The following SNX31 variants were observed in gnomAD, a reference collection of about 807,000 sequenced individuals.
The protein encoded by SNX31 is sorting nexin-31.
SNX31 carries 58 observed loss-of-function variants against 65.4 expected under a neutral mutation model. The ratio of observed to expected loss-of-function variants is 0.89; its 90% CI spans 0.72 to 1.10. The LOEUF is 1.10. Among genes scored for constraint, SNX31 ranks in the 50% least tolerant of loss-of-function variants. SNX31 has a pLI of 0.00. For synonymous variants in SNX31, 181 were observed against 190.1 expected, an observed-to-expected ratio of 0.95 and a Z score of 0.39; for missense variants, 523 against 529.7, an observed-to-expected ratio of 0.99 and a Z score of 0.12.
intron 4 of SNX31, among the ~76,000 whole-genome samples, chr8:100,623,672 T>C (rs1003874912): frequency 2.0e-5 from 3 of 152,208 alleles, no homozygotes; most frequent in African/African-American, 7.2e-5. Flanking sequence ...TTCCTCCACC[T>C]GATCCCAGAC....
chr8:100,589,759 G>A (rs1480244844), intron 10 of SNX31, among the ~76,000 whole-genome samples: 3 of 152,198 alleles, frequency 2.0e-5, no homozygotes, highest in African/African-American at 7.2e-5. Flanking sequence ...AAGCCTGGTA[G>A]GCAACATCTG....
At position 100,596,862 on chromosome 8, in the gene SNX31, G is replaced by C. The variant is rs898807916; in HGVS notation, c.775-20C>G. The C allele has an allele frequency of 6.2e-7, 1 of 1,610,874 alleles. No individual in the cohort carries two copies. The highest frequency in any genetic ancestry group is 1.7e-5 in the Admixed American group (1 of 60,012). On this transcript the variant is annotated intron_variant, in intron 9 of 13. Transcript: ENST00000311812. The stretch of plus-strand genomic sequence containing the variant: ...CAAAAACTGCTCCAAAGAGGGTGAT[G>C]TGGGGGGAGGGGAGGCAAGAGGAAG...
At chr8:100,589,400 A>G (rs1814370466) in intron 10 of SNX31, among the ~76,000 whole-genome samples, 1 of 152,126 alleles carries the variant, frequency 6.6e-6, no homozygotes, top group Non-Finnish European at 1.5e-5. Flanking sequence ...TGGAGGAGCC[A>G]TGAAAGTAAA....
At position 100,573,711 on chromosome 8, in the gene SNX31, A is replaced by G. The variant is rs1054229799; in HGVS notation, c.*154T>C. On this transcript the variant is annotated 3_prime_UTR_variant, in exon 14 of 14. Transcript: ENST00000311812. Reference sequence around the variant, plus strand: ...TGAGATTTCCATAGAGTGCTGTGGTATAATACCTTGATGAATACAGTCCAT... The same window carrying G: ...TGAGATTTCCATAGAGTGCTGTGGTGTAATACCTTGATGAATACAGTCCAT... 4.5e-6 allele frequency: 2 copies of G among 442,926 alleles called. No homozygotes were observed. Among genetic ancestry groups the G allele is most frequent in the Admixed American group, 4.3e-5 (1 of 23,330 alleles). 27.4% of individuals were successfully genotyped at this position (442,926 alleles called of 1,614,324 possible).
chr8:100,645,752 C>A (rs745753020), intron 2 of SNX31, among the ~76,000 whole-genome samples: 4 of 151,882 alleles, frequency 2.6e-5, no homozygotes, highest in Non-Finnish European at 5.9e-5. Flanking sequence ...GCTGGAATTA[C>A]AGGAGCACCA....
Position 100,608,321 on chromosome 8 carries a change from T to A in SNX31, c.681+173A>T, listed in dbSNP as rs1333080561. On this transcript the variant is annotated intron_variant, in intron 8 of 13. Transcript: ENST00000311812. ...TTGTACCCATCAAACAATAACAACT[T>A]CTTCTCCACCCCCCACAGCCCCTGG... 4.5e-5 allele frequency among the ~76,000 whole-genome samples: 6 copies of A among 131,922 alleles called. 1 individual carries two copies. In the South Asian group the frequency reaches 1.1e-3, roughly 25 times the overall value. 86.5% of individuals were successfully genotyped at this position (131,922 alleles called of 152,430 possible). A position where few individuals can be genotyped will look rare whatever the true frequency, so the allele number is the denominator to read the frequency against.
chr8:100,658,820 G>C (rs1051952517), intron 1 of SNX31, among the ~76,000 whole-genome samples: 4 of 152,190 alleles, frequency 2.6e-5, no homozygotes, highest in African/African-American at 9.6e-5. Flanking sequence ...TCTTTGCGAT[G>C]AGTCGAGGTC....
At chr8:100,656,268 T>G (rs558492536) in intron 1 of SNX31, among the ~76,000 whole-genome samples, 39 of 152,328 alleles carry the variant, frequency 2.6e-4, no homozygotes, top group Non-Finnish European at 4.3e-4. Context: ...CTCTTCCAAG[T>G]GTACTTTCCT....
chr8:100,608,650 A>G, intron 7 of SNX31, 87 bp from the exon 8 acceptor site: 1 of 1,249,904 alleles, frequency 8.0e-7, no homozygotes, highest in African/African-American at 1.5e-5. Context: ...GTGGCCCTCT[A>G]CCCTATGAAC....
In SNX31 at chr8:100,649,332, A is replaced by G. The variant is rs758900796; in HGVS notation, c.83T>C (p.Leu28Pro). 30 of 1,613,918 alleles carry G rather than the reference A, an allele frequency of 1.9e-5. No homozygotes were observed. The highest frequency in any genetic ancestry group is 2.5e-5 in the Non-Finnish European group (30 of 1,179,932). Reference protein sequence around the residue: ...GGRYVLYSVHLDGFLFCRVRY... With the variant: ...GGRYVLYSVHPDGFLFCRVRY... Reference sequence around the variant, plus strand: ...CACCCTGCAGAAGAGGAACCCGTCCAGGTGCACGGAGTACAGCTGCAAACA... The same window carrying G: ...CACCCTGCAGAAGAGGAACCCGTCCGGGTGCACGGAGTACAGCTGCAAACA... The change falls in exon 2 of 14, where the codon CTG becomes CCG. Residue 28 changes from leucine to proline, a missense_variant. By Grantham distance (98) the Leu-to-Pro change is moderately conservative. Coordinates refer to ENST00000311812, the MANE Select transcript of SNX31 (RefSeq NM_152628.4).
rs145079074 is a variant in SNX31 at position 100,612,339 on chromosome 8, C to T, written c.524-252G>A. ...TGTGATATAGATGAAAAAATAGATC[C>T]GGAGACATCCAGCGCCTTCGCAGCT... On this transcript the variant is annotated intron_variant, in intron 6 of 13. Transcript: ENST00000311812. The surrounding 1 kb of genome is among the most constrained non-coding windows in gnomAD (Gnocchi z 4.3). Among the ~76,000 whole-genome samples, 16 of 152,148 alleles carry T rather than the reference C, an allele frequency of 1.1e-4. No homozygotes were observed. The East Asian group carries it at 2.9e-3, about 28-fold the overall frequency.
chr8:100,635,425 G>C (rs530855983), intron 3 of SNX31, among the ~76,000 whole-genome samples: 1 of 151,278 alleles, frequency 6.6e-6, no homozygotes, highest in South Asian at 2.1e-4. Flanking sequence ...ATTTTGTTTA[G>C]AGACAGGATC....
At chr8:100,624,156 T>C (rs939836852) in intron 4 of SNX31, among the ~76,000 whole-genome samples, 27 of 152,074 alleles carry the variant, frequency 1.8e-4, no homozygotes, top group Admixed American at 1.6e-3. Flanking sequence ...GGTCTAAAAA[T>C]TGAAGAATAA....
intron 12 of SNX31, among the ~76,000 whole-genome samples, chr8:100,579,738 A>C (rs570157230): frequency 7.2e-5 from 11 of 152,356 alleles, no homozygotes; most frequent in Admixed American, 6.5e-4. Flanking sequence ...AAGAGGTGTA[A>C]GGTAATCAGG....
rs931403319 is a variant in SNX31, at chr8:100,614,868, A to C, written c.433-1783T>G. 5.9e-5 allele frequency among the ~76,000 whole-genome samples: 9 copies of C among 152,298 alleles called. No homozygotes were observed. Among genetic ancestry groups the C allele is most frequent in the African/African-American group, 1.7e-4 (7 of 41,558 alleles). On this transcript the variant is annotated intron_variant, in intron 5 of 13. Transcript: ENST00000311812. This position sits in a 1 kb window ranked among gnomAD's most constrained non-coding sequence, Gnocchi z 5.1. The stretch of plus-strand genomic sequence containing the variant: ...CATTCCAGCCTAGGCAACAAGAGTG[A>C]AACTCCATTTCAAAACAACAACCAA...
chr8:100,636,616 TTAAA>T (rs2131221589), intron 2 of SNX31, among the ~76,000 whole-genome samples: 1 of 152,384 alleles, frequency 6.6e-6, no homozygotes, highest in East Asian at 1.9e-4. Context: ...ATATATTGAA[TTAAA>T]TAAAATATAT....
rs756700477 is a variant in SNX31 at position 100,660,037 on chromosome 8, C to T, written c.-58+3105G>A. Among the ~76,000 whole-genome samples, 2 of 152,014 alleles carry T rather than the reference C, an allele frequency of 1.3e-5. No homozygotes were observed. The highest frequency in any genetic ancestry group is 2.9e-5 in the Non-Finnish European group (2 of 68,010). On this transcript the variant is annotated intron_variant, in intron 1 of 5. Coordinates refer to the SNX31 transcript ENST00000520352. The surrounding 1 kb of genome is among the most constrained non-coding windows in gnomAD (Gnocchi z 4.1). ...AGATAGAAAAATGACTTAGGAACTA[C>T]AGGAGAAAAAAGAATGAAAATATGA... is the stretch of plus-strand genomic sequence containing the variant.
At position 100,612,948 on chromosome 8, in the gene SNX31, C is replaced by A. The variant is rs1180227939; in HGVS notation, c.523+47G>T. ...GACTCCTATGAGCCCCTGCTCACAC[C>A]TGTCCACCCCATCTCCTAGCTGATT... is the stretch of plus-strand genomic sequence containing the variant. On this transcript the variant is annotated intron_variant, in intron 6 of 13. Transcript: ENST00000311812. The surrounding 1 kb of genome is among the most constrained non-coding windows in gnomAD (Gnocchi z 4.3). The A allele has an allele frequency of 1.3e-6, 2 of 1,548,618 alleles. No individual in the cohort carries two copies. Among genetic ancestry groups the A allele is most frequent in the African/African-American group, 1.4e-5 (1 of 73,516 alleles).
rs1813234499 is a variant in SNX31, at chr8:100,578,577, G to A, written c.1171-1502C>T. ...AAAAAAGCATTACCTTTCAACTATG[G>A]TTAACTTTGTTGTAAAATCAATTGC... On this transcript the variant is annotated intron_variant, in intron 12 of 13. Coordinates refer to ENST00000311812, the MANE Select transcript of SNX31 (RefSeq NM_152628.4). This position sits in a 1 kb window ranked among gnomAD's most constrained non-coding sequence, Gnocchi z 4.7. 6.6e-6 allele frequency among the ~76,000 whole-genome samples: 1 copy of A among 152,048 alleles called. No individual in the cohort carries two copies. The highest frequency in any genetic ancestry group is 1.5e-5 in the Non-Finnish European group (1 of 68,022).
Sources: gnomAD v4.1 joint callset for allele counts (sites outside exome capture counted in the v4.1 genomes callset) on GRCh38, gnomAD v4.1.1 for gene constraint, Gnocchi (gnomAD v3.1) non-coding constraint, MANE v1.5 for transcripts, NCBI Gene and HGNC (gene_info 2026-07-23, HGNC 2026-07-21) for gene names.